Variants in THSD7B observed in about 807,000 individuals in gnomAD.
THSD7B encodes thrombospondin type-1 domain-containing protein 7B.
THSD7B carries 138 observed loss-of-function variants against 213.6 expected under a neutral mutation model. The observed-to-expected ratio is 0.65, with a 90% CI of 0.56 to 0.74. The LOEUF (loss-of-function observed/expected upper bound fraction) is 0.74, where lower values mean the gene tolerates loss of function less well. THSD7B is among the 30% of genes least tolerant of loss of function. The pLI, the probability that THSD7B is intolerant of heterozygous loss-of-function variation, is 0.00. For missense variants in THSD7B, 1,931 were observed against 1,991.5 expected (o/e 0.97, Z 0.58); for synonymous variants, 742 against 687.0 (o/e 1.08, Z -1.25).
At chr2:137,538,460 A>G (rs1242241458) in intron 15 of THSD7B, 1 of 514,610 alleles carries the variant, frequency 1.9e-6, no homozygotes, top group Admixed American at 2.0e-5. Flanking sequence ...TTTGCTTATC[A>G]TGCACTGCTA....
chr2:136,940,406 C>T (rs1684800664), intron 2 of THSD7B, among the ~76,000 whole-genome samples: 1 of 152,068 alleles, frequency 6.6e-6, no homozygotes, highest in African/African-American at 2.4e-5. Context: ...AAAATCCCAT[C>T]ATCTGTTGAT....
intron 3 of THSD7B, among the ~76,000 whole-genome samples, chr2:137,071,187 A>G (rs143830505): frequency 0.094 from 14,306 of 152,208 alleles, 755 homozygotes; most frequent in East Asian, 0.17. Flanking sequence ...CAACAGTGTA[A>G]AAGTATTCCT....
intron 12 of THSD7B, among the ~76,000 whole-genome samples, chr2:137,293,159 T>A (rs956519401): frequency 6.6e-6 from 1 of 152,038 alleles, no homozygotes; most frequent in Admixed American, 6.6e-5. Flanking sequence ...TTTTTTTCTT[T>A]TGAGACATGG....
intron 1 of THSD7B, among the ~76,000 whole-genome samples, chr2:136,802,416 T>C (rs1411088476): frequency 6.6e-6 from 1 of 151,726 alleles, no homozygotes; most frequent in Non-Finnish European, 1.5e-5. Flanking sequence ...AATTCCTTTA[T>C]AACATGAGCA....
At chr2:137,417,971 G>A (rs1686836130) in intron 14 of THSD7B, among the ~76,000 whole-genome samples, 1 of 152,160 alleles carries the variant, frequency 6.6e-6, no homozygotes, top group Non-Finnish European at 1.5e-5. Context: ...CCAAGACATT[G>A]AAAGGCTCTT....
At chr2:137,445,663 A>G (rs961144801) in intron 14 of THSD7B, among the ~76,000 whole-genome samples, 1 of 151,990 alleles carries the variant, frequency 6.6e-6, no homozygotes, top group Non-Finnish European at 1.5e-5. Context: ...GTACAAAAAT[A>G]CAGTTAGATA....
At chr2:137,025,111 G>T (rs1192916477) in intron 2 of THSD7B, among the ~76,000 whole-genome samples, 1 of 152,118 alleles carries the variant, frequency 6.6e-6, no homozygotes, top group Admixed American at 6.6e-5. Flanking sequence ...TTCCCCGTTA[G>T]AGTTAAAGTC....
intron 1 of THSD7B, among the ~76,000 whole-genome samples, chr2:136,827,319 C>T (rs982990029): frequency 3.3e-5 from 5 of 152,042 alleles, no homozygotes; most frequent in Admixed American, 2.0e-4. Flanking sequence ...CTATTTGGAC[C>T]AGCATCTGAA....
intron 7 of THSD7B, among the ~76,000 whole-genome samples, chr2:137,218,312 T>A (rs1017320554): frequency 6.6e-6 from 1 of 152,272 alleles, no homozygotes; most frequent in South Asian, 2.1e-4. Flanking sequence ...TTGAGGAGAA[T>A]TTGACAATGA....
At chr2:137,244,870 A>G (rs1681989955) in intron 10 of THSD7B, among the ~76,000 whole-genome samples, 2 of 152,212 alleles carry the variant, frequency 1.3e-5, no homozygotes, top group Admixed American at 6.5e-5. Flanking sequence ...AAGAGGGGGA[A>G]AAATTTGGAG....
chr2:136,795,301 G>A (rs1682041748), intron 1 of THSD7B, among the ~76,000 whole-genome samples: 1 of 151,804 alleles, frequency 6.6e-6, no homozygotes, highest in African/African-American at 2.4e-5. Context: ...TTGGCTCATG[G>A]CTGCTTCCAT....
At chr2:137,392,342 G>C (rs142057383) in intron 12 of THSD7B, among the ~76,000 whole-genome samples, 37 of 152,216 alleles carry the variant, frequency 2.4e-4, no homozygotes, top group Middle Eastern at 6.8e-3. Flanking sequence ...GCTGTGAGTA[G>C]GATGTTTAAA....
At chr2:137,669,533 A>G (rs1301680986) in intron 27 of THSD7B, among the ~76,000 whole-genome samples, 2 of 152,190 alleles carry the variant, frequency 1.3e-5, no homozygotes, top group African/African-American at 4.8e-5. Flanking sequence ...AAAGCTTTGT[A>G]TGAGGTTTAA....
At chr2:137,645,496 G>A (rs1235057810) in intron 21 of THSD7B, among the ~76,000 whole-genome samples, 2 of 152,254 alleles carry the variant, frequency 1.3e-5, no homozygotes, top group African/African-American at 4.8e-5. Flanking sequence ...TTAATCTGAT[G>A]CTGATTTCTC....
chr2:137,189,697 C>T (rs557859281), intron 7 of THSD7B, among the ~76,000 whole-genome samples: 3 of 151,784 alleles, frequency 2.0e-5, no homozygotes, highest in Admixed American at 2.0e-4. Flanking sequence ...GTTTTTGTTG[C>T]GATTGCTTTT....
At chr2:136,988,937 A>G (rs1322922647) in intron 2 of THSD7B, among the ~76,000 whole-genome samples, 1 of 152,246 alleles carries the variant, frequency 6.6e-6, no homozygotes, top group Non-Finnish European at 1.5e-5. Flanking sequence ...AAAAGTTTAC[A>G]TTTTACCAAG....
intron 15 of THSD7B, among the ~76,000 whole-genome samples, chr2:137,467,596 C>G (rs930501214): frequency 1.3e-5 from 2 of 152,114 alleles, no homozygotes; most frequent in Non-Finnish European, 2.9e-5. Context: ...CCTATATACA[C>G]TTAATGTTAC....
At chr2:137,164,495 A>G (rs1200469914) in intron 6 of THSD7B, among the ~76,000 whole-genome samples, 1 of 151,226 alleles carries the variant, frequency 6.6e-6, no homozygotes, top group Non-Finnish European at 1.5e-5. Context: ...ATCTGGAGCT[A>G]GAAATACCAT....
chr2:137,513,683 GTATCT>G (rs1384754058), intron 15 of THSD7B, among the ~76,000 whole-genome samples: 1 of 152,078 alleles, frequency 6.6e-6, no homozygotes, highest in East Asian at 1.9e-4. Flanking sequence ...CTTATTTAGA[GTATCT>G]TAGAAAACAG....
Sources: gnomAD v4.1 joint callset for allele counts (sites outside exome capture counted in the v4.1 genomes callset) on GRCh38, gnomAD v4.1.1 for gene constraint, MANE v1.5 for transcripts, NCBI Gene and HGNC (gene_info 2026-07-23, HGNC 2026-07-21) for gene names.